Variants in B3GAT1 observed in about 807,000 individuals in gnomAD.
B3GAT1 encodes the protein galactosylgalactosylxylosylprotein 3-beta-glucuronosyltransferase 1.
In B3GAT1, 11 loss-of-function variants were observed where a neutral mutation model predicts 28.4. The observed-to-expected ratio is 0.39, with a 90% CI of 0.24 to 0.64. The LOEUF is 0.64. Ranked by LOEUF, B3GAT1 falls within the 30% of genes least tolerant of loss-of-function variation. The pLI, the probability that B3GAT1 is intolerant of heterozygous loss-of-function variation, is 0.50. For missense variants in B3GAT1, 375 were observed against 491.0 expected (o/e 0.76, Z 2.23); for synonymous variants, 255 against 223.1 (o/e 1.14, Z -1.27).
intron 5 of B3GAT1, 38 bp downstream of exon 5, chr11:134,381,886 C>T: frequency 6.5e-7 from 1 of 1,538,154 alleles, no homozygotes; most frequent in African/African-American, 1.4e-5. Context: ...CTGGTGCCGC[C>T]CTGCCCAGTG....
At chr11:134,401,369 T>C (rs1423351134) in intron 1 of B3GAT1, among the ~76,000 whole-genome samples, 1 of 152,262 alleles carries the variant, frequency 6.6e-6, no homozygotes, top group Non-Finnish European at 1.5e-5. Context: ...GAAGACGTGG[T>C]ACACATACAC....
In B3GAT1 at chr11:134,380,430, C is replaced by T. The variant is rs2136297856; in HGVS notation, c.*332G>A. The T allele has an allele frequency of 6.6e-6, 1 of 152,612 alleles. No homozygotes were observed. Among genetic ancestry groups the T allele is most frequent in the Non-Finnish European group, 1.5e-5 (1 of 68,058 alleles). The allele number at this position is 152,612 out of a possible 1,614,324, so 9.5% of individuals were successfully genotyped here. On this transcript the variant is annotated 3_prime_UTR_variant, in exon 6 of 6. Transcript: ENST00000312527. Reference sequence around the variant, plus strand: ...ACTGCAGGGCCAGTGTGGGCGCCCACTGCACCTGCTCCTGCAGCCCCGTCA... The same window carrying T: ...ACTGCAGGGCCAGTGTGGGCGCCCATTGCACCTGCTCCTGCAGCCCCGTCA...
Position 134,382,697 on chromosome 11 carries a change from C to T in B3GAT1, c.918+13G>A, listed in dbSNP as rs752788516. 1.7e-5 allele frequency: 27 copies of T among 1,606,784 alleles called. No individual in the cohort carries two copies. Among genetic ancestry groups the T allele is most frequent in the East Asian group, 1.6e-4 (7 of 44,740 alleles). Reference sequence around the variant, plus strand: ...CATTGCATCACAGCTGTCAGTTCTGCGGAGGGTCTCACCTTGGTGCAGTTG... The same window carrying T: ...CATTGCATCACAGCTGTCAGTTCTGTGGAGGGTCTCACCTTGGTGCAGTTG... On this transcript the variant is annotated intron_variant, in intron 4 of 5. Transcript: ENST00000312527.
At chr11:134,397,272 C>T (rs538888340) in intron 1 of B3GAT1, among the ~76,000 whole-genome samples, 36 of 152,294 alleles carry the variant, frequency 2.4e-4, no homozygotes, top group African/African-American at 8.2e-4. Flanking sequence ...CTGTCAGACC[C>T]TCCAACCCCA....
At chr11:134,402,567 C>T (rs1310745732) in intron 1 of B3GAT1, among the ~76,000 whole-genome samples, 2 of 152,290 alleles carry the variant, frequency 1.3e-5, no homozygotes, top group African/African-American at 4.8e-5. Flanking sequence ...GTCCCTCCCT[C>T]CTCTGGGGTG....
At chr11:134,408,066 C>T (rs534590364) in intron 1 of B3GAT1, among the ~76,000 whole-genome samples, 11 of 152,286 alleles carry the variant, frequency 7.2e-5, no homozygotes, top group South Asian at 6.2e-4. Context: ...TTGGCAAGGA[C>T]GAACTCTGAG....
At chr11:134,383,179 C>T (rs1316972844) in intron 3 of B3GAT1, among the ~76,000 whole-genome samples, 173 bp from the exon 4 acceptor site, 2 of 152,294 alleles carry the variant, frequency 1.3e-5, no homozygotes, top group East Asian at 1.9e-4. Context: ...ATGGGTTGGG[C>T]ACCTGAGAAG....
At chr11:134,409,843 T>G (rs1326196835) in intron 1 of B3GAT1, 2 of 152,490 alleles carry the variant, frequency 1.3e-5, no homozygotes, top group African/African-American at 4.8e-5. Flanking sequence ...TTCCTCCTCC[T>G]CCTGAGCCCG....
chr11:134,384,825 A>T (rs997601904), intron 2 of B3GAT1: 1 of 152,210 alleles, frequency 6.6e-6, no homozygotes, highest in African/African-American at 2.4e-5. Flanking sequence ...TTTTGCCCAT[A>T]GTTGCCAAGG....
intron 1 of B3GAT1, among the ~76,000 whole-genome samples, chr11:134,404,075 T>C (rs1342684580): frequency 1.4e-5 from 2 of 145,624 alleles, no homozygotes; most frequent in African/African-American, 2.6e-5. Flanking sequence ...AATGTGCAGG[T>C]TTGTTACATA....
intron 1 of B3GAT1, among the ~76,000 whole-genome samples, chr11:134,404,187 C>T (rs1365506127): frequency 6.6e-6 from 1 of 151,658 alleles, no homozygotes; most frequent in Non-Finnish European, 1.5e-5. Context: ...TATCCCACGA[C>T]AGGCCCCGGT....
At chr11:134,398,717 A>G (rs1489118572) in intron 1 of B3GAT1, among the ~76,000 whole-genome samples, 1 of 152,080 alleles carries the variant, frequency 6.6e-6, no homozygotes, top group Non-Finnish European at 1.5e-5. Flanking sequence ...CCCTGGGTCC[A>G]CTGCTGGCTC....
intron 1 of B3GAT1, among the ~76,000 whole-genome samples, chr11:134,405,129 G>A (rs141612007): frequency 0.02 from 3,005 of 152,278 alleles, 35 homozygotes; most frequent in Non-Finnish European, 0.032. Flanking sequence ...ATGCACCTAC[G>A]GCCTGCCAGC....
At chr11:134,403,923 T>A (rs1462718881) in intron 1 of B3GAT1, among the ~76,000 whole-genome samples, 1 of 144,768 alleles carries the variant, frequency 6.9e-6, no homozygotes, top group Non-Finnish European at 1.5e-5. Flanking sequence ...GATGGTGGCT[T>A]GTGGGGGCTG....
Position 134,381,904 on chromosome 11 carries a change from C to G in B3GAT1, c.*14+20G>C. ...GTGCCGCCCTGCCCAGTGTGTGGCC[C>G]ACCCTCGTCATGCCCATACCTGCAT... On this transcript the variant is annotated intron_variant, in intron 5 of 5. Transcript: ENST00000312527. 1 of 1,595,624 alleles carries G rather than the reference C, an allele frequency of 6.3e-7. No homozygotes were observed.
intron 1 of B3GAT1, among the ~76,000 whole-genome samples, chr11:134,396,381 C>T (rs1044824023): frequency 1.3e-5 from 2 of 152,162 alleles, no homozygotes; most frequent in East Asian, 1.9e-4. Flanking sequence ...ACAGTCATAG[C>T]CTTCTGCCAC....
At position 134,411,281 on chromosome 11, in the gene B3GAT1, C is replaced by G. The variant is rs1056636036; in HGVS notation, c.-282+526G>C. 6.6e-6 allele frequency among the ~76,000 whole-genome samples: 1 copy of G among 152,162 alleles called. No individual in the cohort carries two copies. The highest frequency in any genetic ancestry group is 1.5e-5 in the Non-Finnish European group (1 of 68,026). On this transcript the variant is annotated intron_variant, in intron 1 of 5. Coordinates refer to ENST00000312527, the MANE Select transcript of B3GAT1 (RefSeq NM_054025.3). This position sits in a 1 kb window ranked among gnomAD's most constrained non-coding sequence, Gnocchi z 6.0. ...CCTTCCTCCTTGCTACACCGAAGGT[C>G]CCAAGGGCCCTTTGCCACCCTTGCT...
At chr11:134,408,633 C>T (rs1944783465) in intron 1 of B3GAT1, among the ~76,000 whole-genome samples, 1 of 33,348 alleles carries the variant, frequency 3.0e-5, no homozygotes, top group Admixed American at 2.4e-4. Context: ...GTGGGACAGC[C>T]TGCACCGATT....
rs1944456847 is a variant in B3GAT1, at chr11:134,393,905, C to T, written c.-281-5965G>A. 6.6e-6 allele frequency among the ~76,000 whole-genome samples: 1 copy of T among 152,234 alleles called. No individual in the cohort carries two copies. The highest frequency in any genetic ancestry group is 2.4e-5 in the African/African-American group (1 of 41,464). On this transcript the variant is annotated intron_variant, in intron 1 of 5. Coordinates refer to ENST00000312527, the MANE Select transcript of B3GAT1 (RefSeq NM_054025.3). This position sits in a 1 kb window ranked among gnomAD's most constrained non-coding sequence, Gnocchi z 4.0. Reference sequence around the variant, plus strand: ...AGAGGGAGGGACAGGCTTTGTCCCACAGATCTCCAGGTGCCCCTAATGGGA... The same window carrying T: ...AGAGGGAGGGACAGGCTTTGTCCCATAGATCTCCAGGTGCCCCTAATGGGA...
Sources: allele counts gnomAD v4.1 joint callset (sites outside exome capture counted in the v4.1 genomes callset), GRCh38; gene constraint gnomAD v4.1.1; non-coding constraint Gnocchi (gnomAD v3.1); transcripts MANE v1.5; gene names NCBI Gene and HGNC (gene_info 2026-07-23, HGNC 2026-07-21).